Variants in CHAF1A observed in about 807,000 individuals in gnomAD.
The protein encoded by CHAF1A is CAF-1 subunit A.
CHAF1A carries 5 observed loss-of-function variants against 93.2 expected under a neutral mutation model. That is an observed-to-expected ratio of 0.05 (90% CI 0.03 to 0.11). The LOEUF (loss-of-function observed/expected upper bound fraction) is 0.11, where lower values mean the gene tolerates loss of function less well. Ranked by LOEUF, CHAF1A falls within the 10% of genes least tolerant of loss-of-function variation. The pLI is 1.00. For synonymous variants in CHAF1A, 504 were observed against 510.3 expected (o/e 0.99, Z 0.17); for missense variants, 1,102 against 1,259.9 (o/e 0.87, Z 1.90).
At chr19:4,403,619 G>A (rs1973627672) in intron 1 of CHAF1A, among the ~76,000 whole-genome samples, 1 of 152,262 alleles carries the variant, frequency 6.6e-6, no homozygotes, top group Admixed American at 6.5e-5. Context: ...GCACTGCAGG[G>A]TGTTAAGCAT....
chr19:4,447,075 A>G, downstream of CHAF1A: 2 of 671,022 alleles, frequency 3.0e-6, no homozygotes, highest in Admixed American at 2.8e-5. Flanking sequence ...CTGGATGCAA[A>G]CCTGCTTTTC....
In CHAF1A at chr19:4,428,515, G is replaced by A. The variant is rs190176646; in HGVS notation, c.1378-149G>A. 107 of 670,522 alleles carry A rather than the reference G, an allele frequency of 1.6e-4. No individual in the cohort carries two copies. In the East Asian group the frequency reaches 2.2e-3, roughly 14 times the overall value. The allele number at this position is 670,522 out of a possible 1,614,324, so 41.5% of individuals were successfully genotyped here. On this transcript the variant is annotated intron_variant, in intron 7 of 14. Transcript: ENST00000301280. Reference sequence around the variant, plus strand: ...TCTGCCCTGTAGCTCTGGAAACTCGGCTCTGTGGACCCACACAGTGCCTGG... The same window carrying A: ...TCTGCCCTGTAGCTCTGGAAACTCGACTCTGTGGACCCACACAGTGCCTGG...
chr19:4,420,080 T>G (rs1973963983), intron 4 of CHAF1A, among the ~76,000 whole-genome samples: 1 of 152,142 alleles, frequency 6.6e-6, no homozygotes, highest in Admixed American at 6.5e-5. Flanking sequence ...ACCAGAGATG[T>G]ATTGGAACAC....
intron 2 of CHAF1A, among the ~76,000 whole-genome samples, chr19:4,406,885 A>G (rs1010902086): frequency 1.3e-5 from 2 of 152,048 alleles, no homozygotes; most frequent in African/African-American, 4.8e-5. Flanking sequence ...TAATGACACC[A>G]CTGCTCTTCA....
intron 7 of CHAF1A, among the ~76,000 whole-genome samples, chr19:4,427,554 A>G (rs1299492713): frequency 6.7e-6 from 1 of 149,862 alleles, no homozygotes; most frequent in East Asian, 2.0e-4. Context: ...CTGGGACTAC[A>G]GGTGCCCACC....
intron 2 of CHAF1A, among the ~76,000 whole-genome samples, chr19:4,406,953 G>A (rs916500628): frequency 6.6e-6 from 1 of 151,926 alleles, no homozygotes; most frequent in African/African-American, 2.4e-5. Flanking sequence ...CCAGATGCTA[G>A]GCTCACACCT....
Position 4,409,508 on chromosome 19 carries a change from G to T in CHAF1A, c.709G>T (p.Val237Leu). Residue 237 changes from valine (V) to leucine (L), a missense_variant, in exon 3 of 15, where the codon GTG becomes TTG. By Grantham distance (32) the Val-to-Leu change is conservative. Transcript: ENST00000301280. ...EAGGILFKGK[V>L]PMVVLQDILA... is the part of the protein sequence containing the mutation. ...TGGGGGCATCCTGTTCAAAGGGAAG[G>T]TGCCTATGGTGGTCTTGCAGGACAT... 6.2e-7 allele frequency: 1 copy of T among 1,614,132 alleles called. No individual in the cohort carries two copies.
At chr19:4,406,057 G>T (rs1973674525) in intron 2 of CHAF1A, 95 bp downstream of exon 2, 3 of 957,212 alleles carry the variant, frequency 3.1e-6, no homozygotes, top group Non-Finnish European at 5.1e-6. Context: ...AGCTAGAGGG[G>T]AGAGAAACAG....
At position 4,409,078 on chromosome 19, in the gene CHAF1A, C is replaced by T. The variant is rs202229686; in HGVS notation, c.279C>T (p.Asn93=). 4.4e-5 allele frequency: 71 copies of T among 1,614,142 alleles called. 1 individual carries two copies. The Admixed American group carries it at 6.2e-4, about 14-fold the overall frequency. ...TAGACTTTAGACCGAAACTTGTCAA[C>T]GGGAAGGGTCCCTTAGATAACTTTT... ...SDIDFRPKLV[N]GKGPLDNFLR... is the part of the protein sequence containing the mutation. The change falls in exon 3 of 15, where the codon AAC becomes AAT. Residue 93 remains asparagine, a synonymous_variant. Transcript: ENST00000301280.
rs1361109013 is a variant in CHAF1A, at chr19:4,427,542, A to C, written c.1378-1122A>C. Among the ~76,000 whole-genome samples, 3 of 149,442 alleles carry C rather than the reference A, an allele frequency of 2.0e-5. No individual in the cohort carries two copies. The East Asian group carries it at 6.0e-4, about 30-fold the overall frequency. On this transcript the variant is annotated intron_variant, in intron 7 of 14. Transcript: ENST00000301280. ...ATTCTCCCGCCTCAGCCTCCTGAGTAGCTGGGACTACAGGTGCCCACCACC... is the reference window on the plus strand; with the variant it reads ...ATTCTCCCGCCTCAGCCTCCTGAGTCGCTGGGACTACAGGTGCCCACCACC...
intron 1 of CHAF1A, among the ~76,000 whole-genome samples, chr19:4,403,793 A>G (rs1973631556): frequency 6.6e-6 from 1 of 152,260 alleles, no homozygotes; most frequent in African/African-American, 2.4e-5. Flanking sequence ...CCGGAGACAT[A>G]AAATTAATAT....
downstream of CHAF1A, chr19:4,443,516 G>A (rs149137930): frequency 1.8e-3 from 294 of 166,650 alleles, no homozygotes; most frequent in Non-Finnish European, 2.8e-3. Flanking sequence ...CAACAGCACC[G>A]TCCCATCTGT....
intron 3 of CHAF1A, among the ~76,000 whole-genome samples, chr19:4,410,756 C>T (rs1973781813): frequency 6.6e-6 from 1 of 152,174 alleles, no homozygotes; most frequent in South Asian, 2.1e-4. Flanking sequence ...GAAACTGAGG[C>T]AGGAGGATCA....
chr19:4,446,065 A>C (rs150530113), downstream of CHAF1A: 648 of 1,612,176 alleles, frequency 4.0e-4, 1 homozygote, highest in Non-Finnish European at 5.3e-4. Context: ...GCACTCGTTC[A>C]AGGCCAGGTT....
chr19:4,432,195 A>G lies in CHAF1A; in HGVS notation c.2191A>G (p.Arg731Gly). 1.9e-6 allele frequency: 3 copies of G among 1,605,096 alleles called. No homozygotes were observed. Among genetic ancestry groups the G allele is most frequent in the African/African-American group, 1.3e-5 (1 of 74,788 alleles). ...GCCCAAGGCCTCCAAGCGGGAGAGG[A>G]GAGACGAGCAGAGTGAGTGTGGGCG... Reference protein sequence around the residue: ...QTPKASKRERRDEQILAQLLP... With the variant: ...QTPKASKRERGDEQILAQLLP... The change falls in exon 12 of 15, where the codon AGA becomes GGA. Residue 731 changes from arginine (R) to glycine (G), a missense_variant. Arg to Gly is a moderately radical substitution (Grantham distance 125). This residue lies in a region of CHAF1A where 335 missense variants were observed against 361.9 expected (regional missense o/e 0.93). Transcript: ENST00000301280.
chr19:4,411,772 T>G (rs1973809154), intron 3 of CHAF1A, among the ~76,000 whole-genome samples: 1 of 151,060 alleles, frequency 6.6e-6, no homozygotes. Context: ...GTCAGCCTCT[T>G]GAGTAGCTGG....
chr19:4,417,116 T>C (rs1599644803), intron 3 of CHAF1A, among the ~76,000 whole-genome samples: 1 of 152,120 alleles, frequency 6.6e-6, no homozygotes, highest in Non-Finnish European at 1.5e-5. Context: ...GGACTACAGA[T>C]GTGCACCACA....
intron 3 of CHAF1A, among the ~76,000 whole-genome samples, chr19:4,410,006 G>GT (rs1568430542): frequency 1.3e-5 from 2 of 152,170 alleles, no homozygotes; most frequent in African/African-American, 2.4e-5. Flanking sequence ...ACACCCTGCT[G>GT]TTTTGCCTTC....
chr19:4,428,715 A>G lies in CHAF1A; in HGVS notation c.1429A>G (p.Met477Val). 1 of 1,614,164 alleles carries G rather than the reference A, an allele frequency of 6.2e-7. No homozygotes were observed. The highest frequency in any genetic ancestry group is 8.5e-7 in the Non-Finnish European group (1 of 1,180,016). ...TGCCCCCTTTGAAATTAAAGAGCAC[A>G]TGGTCCTGGCCCCTCGGCGTCGGAC... ...KFAPFEIKEH[M>V]VLAPRRRTAF... is the part of the protein sequence containing the mutation. The change falls in exon 8 of 15, where the codon ATG becomes GTG. Residue 477 changes from methionine (M) to valine (V), a missense_variant. By Grantham distance (21) the Met-to-Val change is conservative. This residue lies in a region of CHAF1A where 165 missense variants were observed against 243.9 expected (regional missense o/e 0.68). Transcript: ENST00000301280.
Sources: gnomAD v4.1 joint callset for allele counts (sites outside exome capture counted in the v4.1 genomes callset) on GRCh38, gnomAD v4.1.1 for gene constraint, gnomAD v4.1.1 regional missense constraint, MANE v1.5 for transcripts, NCBI Gene and HGNC (gene_info 2026-07-23, HGNC 2026-07-21) for gene names.